Variants in ZNF433 observed in about 807,000 individuals in gnomAD.
ZNF433 encodes zinc finger protein 433.
ZNF433 carries 12 observed loss-of-function variants against 10.6 expected under a neutral mutation model. The observed-to-expected ratio is 1.13, with a 90% confidence interval of 0.72 to 1.83. ZNF433 has a LOEUF of 1.83. Ranked by LOEUF, ZNF433 falls within the 40% of genes most tolerant of loss-of-function variation. The probability of loss-of-function intolerance (pLI) is 0.00; values close to 1 mark genes in which losing one functional copy is unlikely to be tolerated. For missense variants in ZNF433, 737 were observed against 798.0 expected (o/e 0.92, Z 0.92); for synonymous variants, 272 against 271.3 (o/e 1.00, Z -0.02).
chr19:12,029,926 C>G (rs80332926), intron 1 of ZNF433, among the ~76,000 whole-genome samples: 2,923 of 151,432 alleles, frequency 0.019, 88 homozygotes, highest in African/African-American at 0.058. Context: ...CTAAAGAATA[C>G]AAAAAATTAG....
chr19:12,017,967 A>C (rs750015092), intron 2 of ZNF433, 31 bp from the exon 3 acceptor site: 8 of 1,480,604 alleles, frequency 5.4e-6, no homozygotes, highest in Non-Finnish European at 2.8e-6. Flanking sequence ...AATAATCTTG[A>C]ATTAGTATAA....
intron 1 of ZNF433, among the ~76,000 whole-genome samples, chr19:12,022,529 G>A (rs1051784392): frequency 6.6e-6 from 1 of 152,100 alleles, no homozygotes; most frequent in Admixed American, 6.6e-5. Flanking sequence ...TACATGTGTG[G>A]GTCTTGAACC....
intron 1 of ZNF433, chr19:12,025,233 T>C (rs1189182555): frequency 6.6e-6 from 1 of 152,250 alleles, no homozygotes; most frequent in Non-Finnish European, 1.5e-5. Context: ...TTCTGATTCT[T>C]TGTATGTGGT....
chr19:12,033,170 T>G (rs1297699885), intron 1 of ZNF433, among the ~76,000 whole-genome samples: 1 of 152,082 alleles, frequency 6.6e-6, no homozygotes, highest in Non-Finnish European at 1.5e-5. Context: ...GTCCGCTCAT[T>G]GCAGAATCCA....
intron 1 of ZNF433, among the ~76,000 whole-genome samples, chr19:12,019,535 T>TA (rs1215794995): frequency 6.6e-6 from 1 of 152,120 alleles, no homozygotes; most frequent in Non-Finnish European, 1.5e-5. Context: ...CAGTAGTGCC[T>TA]AAAAAAATAA....
At chr19:12,031,983 G>A (rs1411060198) in intron 1 of ZNF433, among the ~76,000 whole-genome samples, 1 of 139,550 alleles carries the variant, frequency 7.2e-6, no homozygotes, top group Admixed American at 7.7e-5. Flanking sequence ...CCGTTGCCCA[G>A]TCTGGAGTGC....
intron 1 of ZNF433, among the ~76,000 whole-genome samples, chr19:12,031,899 T>C (rs1599377341): frequency 1.4e-5 from 2 of 145,304 alleles, no homozygotes. Context: ...AAAAAAAAAG[T>C]CCTCCATCCT....
At chr19:12,020,917 T>TAA (rs551776670) in intron 1 of ZNF433, among the ~76,000 whole-genome samples, 146 of 124,112 alleles carry the variant, frequency 1.2e-3, no homozygotes, top group African/African-American at 3.5e-3. Context: ...AACAAAAATA[T>TAA]AAAAAAAAAA....
intron 1 of ZNF433, chr19:12,026,625 C>T (rs1974745476): frequency 6.8e-6 from 3 of 444,368 alleles, no homozygotes; most frequent in Non-Finnish European, 1.4e-5. Flanking sequence ...TAATCTGCTC[C>T]TATAATTGAG....
Position 12,016,381 on chromosome 19 carries a change from C to T in ZNF433, c.477G>A (p.Arg159=). Residue 159 remains arginine (R), a synonymous_variant, in exon 4 of 4, where the codon AGG becomes AGA. Coordinates refer to ENST00000550507, the MANE Select transcript of ZNF433 (RefSeq NM_001308348.2). ...CATAGAGTTTCCTTCCACTATGAGC[C>T]CTTTCATGTGTCTGAACAGAGGAGA... is the stretch of plus-strand genomic sequence containing the variant. The part of the protein sequence containing the change: ...NCLSSVQTHE[R]AHSGRKLYVC... 6.2e-7 allele frequency: 1 copy of T among 1,614,094 alleles called. No individual in the cohort carries two copies.
rs374442670 is a variant in ZNF433 at position 12,015,381 on chromosome 19, G to T, written c.1477C>A (p.His493Asn). Residue 493 changes from histidine to asparagine, a missense_variant, in exon 4 of 4, where the codon CAT (histidine) becomes AAT (asparagine). By Grantham distance (68) the His-to-Asn change is moderately conservative. Coordinates refer to ENST00000550507, the MANE Select transcript of ZNF433 (RefSeq NM_001308348.2). ...TFSLPSLFHR[H>N]ERTHTGGKTY... ...TTTCCTCCAGTGTGAGTCCTTTCAT[G>T]TCTATGAAATAAACTGGGCAAACTG... 3.3e-5 allele frequency: 54 copies of T among 1,614,220 alleles called. 3 individuals carry two copies. The highest frequency in any genetic ancestry group is 2.7e-4 in the African/African-American group (20 of 75,066).
At chr19:12,025,049 A>C (rs1273074598) in intron 1 of ZNF433, 2 of 152,254 alleles carry the variant, frequency 1.3e-5, no homozygotes, top group Non-Finnish European at 2.9e-5. Flanking sequence ...AACTAAATTT[A>C]AACCAATTGA....
At chr19:12,017,971 A>C (rs1221421423) in intron 2 of ZNF433, 35 bp from the exon 3 acceptor site, 1 of 1,467,726 alleles carries the variant, frequency 6.8e-7, no homozygotes, top group Non-Finnish European at 9.3e-7. Flanking sequence ...ATCTTGAATT[A>C]GTATAAAATT....
intron 1 of ZNF433, 34 bp downstream of exon 1, chr19:12,035,503 C>G (rs1266310985): frequency 6.4e-7 from 1 of 1,564,806 alleles, no homozygotes; most frequent in Admixed American, 1.9e-5. Context: ...ACCAGCTCCT[C>G]CCCCGCCTCG....
chr19:12,033,506 G>A (rs1194463471), intron 1 of ZNF433, among the ~76,000 whole-genome samples: 9 of 132,714 alleles, frequency 6.8e-5, no homozygotes, highest in Admixed American at 1.5e-4. Flanking sequence ...GCGACAGAGC[G>A]AGACTCCGTC....
At chr19:12,028,371 T>G (rs1382688062) in intron 1 of ZNF433, among the ~76,000 whole-genome samples, 1 of 152,236 alleles carries the variant, frequency 6.6e-6, no homozygotes, top group Non-Finnish European at 1.5e-5. Flanking sequence ...ATCACATATC[T>G]GATATCAACT....
Position 12,016,044 on chromosome 19 carries a change from T to C in ZNF433, c.814A>G (p.Thr272Ala), listed in dbSNP as rs780295029. The change falls in exon 4 of 4, where the codon ACT becomes GCT. Residue 272 changes from threonine to alanine, a missense_variant. Transcript: ENST00000550507. ...SSTCLHAHKR[T>A]HTGEKPYECK... ...TCATATGGCTTCTCCCCAGTGTGAG[T>C]TCTTTTATGAGCATGAAGGCATGTG... is the stretch of plus-strand genomic sequence containing the variant. 1.2e-6 allele frequency: 2 copies of C among 1,614,144 alleles called. No homozygotes were observed. The highest frequency in any genetic ancestry group is 1.1e-5 in the South Asian group (1 of 91,074).
intron 1 of ZNF433, among the ~76,000 whole-genome samples, chr19:12,031,102 T>C (rs1473527531): frequency 3.3e-5 from 5 of 150,594 alleles, no homozygotes; most frequent in African/African-American, 2.4e-5. Flanking sequence ...TTGAGACCAT[T>C]CTGGCCAACA....
At chr19:12,020,093 G>A (rs1048400207) in intron 1 of ZNF433, among the ~76,000 whole-genome samples, 8 of 152,098 alleles carry the variant, frequency 5.3e-5, no homozygotes, top group Non-Finnish European at 1.2e-4. Flanking sequence ...CCAAAATGGT[G>A]AAACCCCATC....
Sources: gnomAD v4.1 joint callset for allele counts (sites outside exome capture counted in the v4.1 genomes callset) on GRCh38, gnomAD v4.1.1 for gene constraint, MANE v1.5 for transcripts, NCBI Gene and HGNC (gene_info 2026-07-23, HGNC 2026-07-21) for gene names.